The following MVB12B variants were observed in gnomAD, a reference collection of about 807,000 sequenced individuals.
MVB12B encodes the protein multivesicular body subunit 12B.
MVB12B carries 16 observed loss-of-function variants against 41.6 expected under a neutral mutation model. That is an observed-to-expected ratio of 0.38 (90% CI 0.26 to 0.58). MVB12B has a LOEUF of 0.58. Ranked by LOEUF, MVB12B falls within the 20% of genes least tolerant of loss-of-function variation. MVB12B has a pLI of 0.62. For synonymous variants in MVB12B, 133 were observed against 139.7 expected, an observed-to-expected ratio of 0.95 and a Z score of 0.34; for missense variants, 274 against 380.2, an observed-to-expected ratio of 0.72 and a Z score of 2.32.
At chr9:126,341,734 A>G (rs1031128091) in intron 2 of MVB12B, among the ~76,000 whole-genome samples, 3 of 152,212 alleles carry the variant, frequency 2.0e-5, no homozygotes, top group African/African-American at 7.2e-5. Flanking sequence ...TCCTTAGTGA[A>G]TACCAGTAGC....
intron 2 of MVB12B, among the ~76,000 whole-genome samples, chr9:126,355,529 G>T (rs563810490): frequency 6.6e-6 from 1 of 152,172 alleles, no homozygotes; most frequent in Non-Finnish European, 1.5e-5. Flanking sequence ...TTATGAGGGC[G>T]TTGCAACATC....
intron 7 of MVB12B, among the ~76,000 whole-genome samples, chr9:126,467,192 C>T (rs192114595): frequency 2.6e-5 from 4 of 152,296 alleles, no homozygotes; most frequent in East Asian, 3.9e-4. Flanking sequence ...GGGGCTGTAA[C>T]GTGAGGACTC....
intron 2 of MVB12B, among the ~76,000 whole-genome samples, chr9:126,361,224 T>G (rs1334757998): frequency 1.3e-5 from 2 of 152,220 alleles, no homozygotes; most frequent in Admixed American, 6.5e-5. Context: ...TCTATTTCTT[T>G]TTGTTGTTGT....
intron 8 of MVB12B, among the ~76,000 whole-genome samples, chr9:126,483,091 C>A (rs1833560595): frequency 6.6e-6 from 1 of 152,192 alleles, no homozygotes; most frequent in Non-Finnish European, 1.5e-5. Context: ...CAGGACCATG[C>A]GGGCCCTGGG....
rs1267964335 is a variant in MVB12B at position 126,468,707 on chromosome 9, T to A, written c.758-12662T>A. On this transcript the variant is annotated intron_variant, in intron 7 of 9. Transcript: ENST00000361171. This position sits in a 1 kb window ranked among gnomAD's most constrained non-coding sequence, Gnocchi z 4.3. Reference sequence around the variant, plus strand: ...CTCCAGCCTCACTCCCTGTAATTCATTCTCCTCTCCATAGCCAGGGAGACG... The same window carrying A: ...CTCCAGCCTCACTCCCTGTAATTCAATCTCCTCTCCATAGCCAGGGAGACG... Among the ~76,000 whole-genome samples, 2 of 152,222 alleles carry A rather than the reference T, an allele frequency of 1.3e-5. No homozygotes were observed. The highest frequency in any genetic ancestry group is 4.8e-5 in the African/African-American group (2 of 41,452).
In MVB12B at chr9:126,486,578, G is replaced by A. The variant is rs545475513; in HGVS notation, c.873+2546G>A. Reference sequence around the variant, plus strand: ...TGCTGGCAGCAGCGGCCTCAGCGTCGAGCCATCTCCCCTCCCGTTCTGCTC... The same window carrying A: ...TGCTGGCAGCAGCGGCCTCAGCGTCAAGCCATCTCCCCTCCCGTTCTGCTC... On this transcript the variant is annotated intron_variant, in intron 9 of 9. Transcript: ENST00000361171. This position sits in a 1 kb window ranked among gnomAD's most constrained non-coding sequence, Gnocchi z 4.7. Among the ~76,000 whole-genome samples, 2 of 152,196 alleles carry A rather than the reference G, an allele frequency of 1.3e-5. No individual in the cohort carries two copies. Among genetic ancestry groups the A allele is most frequent in the Admixed American group, 6.5e-5 (1 of 15,282 alleles).
chr9:126,332,093 G>A (rs1008846951), intron 1 of MVB12B, among the ~76,000 whole-genome samples: 1 of 152,008 alleles, frequency 6.6e-6, no homozygotes, highest in Non-Finnish European at 1.5e-5. Context: ...GCAGTTCCCC[G>A]AGCAGTCCCT....
intron 7 of MVB12B, among the ~76,000 whole-genome samples, chr9:126,456,926 T>C (rs1056231053): frequency 5.3e-5 from 8 of 152,182 alleles, no homozygotes; most frequent in Admixed American, 1.3e-4. Context: ...AGTCTACGTA[T>C]GGGCCCCGGC....
At chr9:126,443,845 C>G (rs1390880192) in intron 7 of MVB12B, among the ~76,000 whole-genome samples, 2 of 152,248 alleles carry the variant, frequency 1.3e-5, no homozygotes, top group Non-Finnish European at 2.9e-5. Flanking sequence ...GCCAGGAGTC[C>G]CATAAGTTCA....
At chr9:126,444,782 CTA>C (rs1286026642) in intron 7 of MVB12B, among the ~76,000 whole-genome samples, 1 of 152,082 alleles carries the variant, frequency 6.6e-6, no homozygotes, top group Non-Finnish European at 1.5e-5. Flanking sequence ...AGATAAGAAT[CTA>C]TGTTTTTCCA....
chr9:126,396,126 T>C (rs776158414), intron 6 of MVB12B: 31 of 990,896 alleles, frequency 3.1e-5, no homozygotes, highest in Non-Finnish European at 3.7e-5. Flanking sequence ...TAATTTCTTT[T>C]TCCAATGAGC....
chr9:126,412,534 T>C (rs1367202216), intron 6 of MVB12B, among the ~76,000 whole-genome samples: 3 of 152,220 alleles, frequency 2.0e-5, no homozygotes, highest in African/African-American at 7.2e-5. Context: ...CATACGTGTG[T>C]CTCTTCTACT....
chr9:126,335,669 G>C (rs1829253197), intron 1 of MVB12B, among the ~76,000 whole-genome samples: 1 of 152,184 alleles, frequency 6.6e-6, no homozygotes. Flanking sequence ...CTTTTACTGG[G>C]GGACAACCCA....
chr9:126,464,067 C>T (rs913476026), intron 7 of MVB12B, among the ~76,000 whole-genome samples: 1 of 152,154 alleles, frequency 6.6e-6, no homozygotes, highest in African/African-American at 2.4e-5. Context: ...TGTCTATCAC[C>T]TCATCCAGGC....
chr9:126,370,972 T>C (rs999846624), intron 2 of MVB12B, among the ~76,000 whole-genome samples: 1 of 152,252 alleles, frequency 6.6e-6, no homozygotes, highest in African/African-American at 2.4e-5. Flanking sequence ...AGTTTTGCTT[T>C]TCACATTTCA....
chr9:126,497,255 C>G (rs371883686), intron 9 of MVB12B, among the ~76,000 whole-genome samples: 1 of 151,956 alleles, frequency 6.6e-6, no homozygotes, highest in Non-Finnish European at 1.5e-5. Flanking sequence ...TAGGGTGAGA[C>G]CCCCCAGCTG....
At chr9:126,423,996 C>G (rs1224992852) in intron 7 of MVB12B, among the ~76,000 whole-genome samples, 4 of 152,198 alleles carry the variant, frequency 2.6e-5, no homozygotes, top group Non-Finnish European at 5.9e-5. Flanking sequence ...AATGAATCAT[C>G]AAACCGTTCT....
chr9:126,488,321 C>G (rs1833662999), intron 9 of MVB12B, among the ~76,000 whole-genome samples: 1 of 143,848 alleles, frequency 7.0e-6, no homozygotes, highest in Middle Eastern at 3.6e-3. Flanking sequence ...CACTGTAAAC[C>G]TTTGTGTTTT....
At position 126,332,586 on chromosome 9, in the gene MVB12B, G is replaced by T. The variant is rs373562614; in HGVS notation, c.81+5576G>T. Among the ~76,000 whole-genome samples, 8 of 152,316 alleles carry T rather than the reference G, an allele frequency of 5.3e-5. No homozygotes were observed. The East Asian group carries it at 1.4e-3, about 26-fold the overall frequency. On this transcript the variant is annotated intron_variant, in intron 1 of 9. Coordinates refer to ENST00000361171, the MANE Select transcript of MVB12B (RefSeq NM_033446.3). ...CCTCTGTAAGTGGCTCACCCCTGGG[G>T]TCATGGTGTGTGTCCTGTATGGAGG...
Sources: gnomAD v4.1 joint callset for allele counts (sites outside exome capture counted in the v4.1 genomes callset) on GRCh38, gnomAD v4.1.1 for gene constraint, Gnocchi (gnomAD v3.1) non-coding constraint, MANE v1.5 for transcripts, NCBI Gene and HGNC (gene_info 2026-07-23, HGNC 2026-07-21) for gene names.